GSE1: variants seen among roughly 807,000 people sequenced by gnomAD.
The protein encoded by GSE1 is Gse1 coiled-coil protein.
Under a neutral mutation model 112.6 loss-of-function variants are expected in GSE1, and 32 were observed. The observed-to-expected ratio is 0.28, with a 90% CI of 0.21 to 0.38. The LOEUF is 0.38. GSE1 is among the 10% of genes least tolerant of loss of function. The pLI, the probability that GSE1 is intolerant of heterozygous loss-of-function variation, is 1.00. For missense variants in GSE1, 2,348 were observed against 1,699.2 expected, an observed-to-expected ratio of 1.38 and a Z score of -6.71; for synonymous variants, 1,115 against 735.6, an observed-to-expected ratio of 1.52 and a Z score of -8.35.
intron 2 of GSE1, chr16:85,463,008 TCGCCTCCGCCGCGG>T: frequency 1.4e-6 from 1 of 696,096 alleles, no homozygotes; most frequent in Non-Finnish European, 1.8e-6. Flanking sequence ...CCCCTACTGC[TCGCCTCCGCCGCGG>T]GCCATGCTGG....
chr16:85,507,544 G>C (rs1226290964), intron 2 of GSE1, among the ~76,000 whole-genome samples: 2 of 152,236 alleles, frequency 1.3e-5, no homozygotes, highest in African/African-American at 2.4e-5. Context: ...CCATTTCCTT[G>C]CAGTTCTGGA....
intron 2 of GSE1, among the ~76,000 whole-genome samples, chr16:85,502,743 T>A (rs1021798437): frequency 6.6e-6 from 1 of 152,214 alleles, no homozygotes; most frequent in Non-Finnish European, 1.5e-5. Context: ...GGCAGGGCCA[T>A]CTTGGTGTCC....
chr16:85,610,714 C>T (rs1222681074), upstream of GSE1, among the ~76,000 whole-genome samples: 3 of 152,312 alleles, frequency 2.0e-5, no homozygotes, highest in South Asian at 6.2e-4. Flanking sequence ...CCGGCAGCGC[C>T]TCGCTCCCCT....
intron 1 of GSE1, among the ~76,000 whole-genome samples, chr16:85,314,790 G>A (rs753088578): frequency 9.9e-5 from 15 of 152,188 alleles, no homozygotes; most frequent in African/African-American, 1.4e-4. Flanking sequence ...TTCCCTGGGG[G>A]CAGGCCCAGG....
intron 15 of GSE1, 23 bp from the exon 16 acceptor site, chr16:85,672,382 G>C (rs566593633): frequency 6.3e-6 from 10 of 1,597,060 alleles, no homozygotes; most frequent in Non-Finnish European, 8.6e-6. Context: ...GGTTGGTTTT[G>C]ACACAAATTT....
chr16:85,477,023 C>T (rs960026323), intron 2 of GSE1, among the ~76,000 whole-genome samples: 5 of 147,150 alleles, frequency 3.4e-5, no homozygotes, highest in African/African-American at 5.1e-5. Context: ...TTCCCAGGTT[C>T]GAGTGATTGA....
intron 2 of GSE1, among the ~76,000 whole-genome samples, chr16:85,532,850 C>T (rs910249577): frequency 4.6e-5 from 7 of 152,202 alleles, no homozygotes; most frequent in Non-Finnish European, 8.8e-5. Context: ...GTGCATGTGC[C>T]GTGAAGTGGG....
At chr16:85,512,220 C>G (rs995536828) in intron 2 of GSE1, among the ~76,000 whole-genome samples, 9 of 152,188 alleles carry the variant, frequency 5.9e-5, no homozygotes, top group Non-Finnish European at 1.2e-4. Context: ...CAGCAGAGCC[C>G]CCTCAACGCC....
At chr16:85,396,236 C>G (rs2047962483) in intron 2 of GSE1, among the ~76,000 whole-genome samples, 1 of 152,348 alleles carries the variant, frequency 6.6e-6, no homozygotes, top group Non-Finnish European at 1.5e-5. Flanking sequence ...AGGAGGATAA[C>G]ACGCTGTCCT....
At chr16:85,443,591 G>A (rs1235687725) in intron 2 of GSE1, among the ~76,000 whole-genome samples, 1 of 149,832 alleles carries the variant, frequency 6.7e-6, no homozygotes, top group Admixed American at 6.6e-5. Context: ...AAAACTCAGA[G>A]AAGCATAGGT....
chr16:85,354,722 G>T (rs2046916596), intron 1 of GSE1, among the ~76,000 whole-genome samples: 1 of 152,244 alleles, frequency 6.6e-6, no homozygotes, highest in Admixed American at 6.5e-5. Flanking sequence ...ACCGGGTGCT[G>T]CCCCATAAGC....
intron 2 of GSE1, among the ~76,000 whole-genome samples, chr16:85,487,348 G>C (rs1299831105): frequency 1.3e-5 from 2 of 152,162 alleles, no homozygotes; most frequent in Non-Finnish European, 2.9e-5. Context: ...TAGAGCTCAG[G>C]TTTTGCAGAA....
intron 1 of GSE1, among the ~76,000 whole-genome samples, chr16:85,222,550 A>G (rs545666858): frequency 2.0e-5 from 3 of 152,240 alleles, no homozygotes; most frequent in Admixed American, 6.5e-5. Flanking sequence ...GCTGATAGCT[A>G]TTTTTCACAA....
intron 1 of GSE1, among the ~76,000 whole-genome samples, chr16:85,172,759 C>T (rs1006260277): frequency 7.2e-5 from 11 of 152,300 alleles, no homozygotes; most frequent in South Asian, 4.1e-4. Context: ...GGAAAGGTGG[C>T]GCTGTCGTGT....
chr16:85,205,925 G>A (rs867068723), intron 1 of GSE1, among the ~76,000 whole-genome samples: 3 of 152,220 alleles, frequency 2.0e-5, no homozygotes, highest in African/African-American at 2.4e-5. Context: ...ACAGAAACGT[G>A]GTGTGCAAAG....
chr16:85,522,400 C>A (rs2052216915), intron 2 of GSE1, among the ~76,000 whole-genome samples: 2 of 141,288 alleles, frequency 1.4e-5, no homozygotes, highest in East Asian at 5.0e-4. Context: ...CCCAGCCCAT[C>A]CCTCCCCATG....
chr16:85,584,832 C>T (rs2046613798), intron 1 of GSE1, among the ~76,000 whole-genome samples: 1 of 152,112 alleles, frequency 6.6e-6, no homozygotes, highest in Non-Finnish European at 1.5e-5. Flanking sequence ...GGGGGTGGCT[C>T]TGCAGGATGG....
chr16:85,367,412 G>A (rs2047206818), intron 2 of GSE1, among the ~76,000 whole-genome samples: 1 of 152,244 alleles, frequency 6.6e-6, no homozygotes, highest in African/African-American at 2.4e-5. Context: ...GCATAGCAGG[G>A]CACACACCAG....
chr16:85,588,430 A>G (rs1188177786), intron 1 of GSE1, among the ~76,000 whole-genome samples: 1 of 152,142 alleles, frequency 6.6e-6, no homozygotes, highest in Admixed American at 6.5e-5. Flanking sequence ...GAACGGCTTT[A>G]TGATCCTCAA....
Sources: allele counts gnomAD v4.1 joint callset (sites outside exome capture counted in the v4.1 genomes callset), GRCh38; gene constraint gnomAD v4.1.1; transcripts MANE v1.5; gene names NCBI Gene and HGNC (gene_info 2026-07-23, HGNC 2026-07-21).